Variants in UBE2J1 observed in about 807,000 individuals in gnomAD.
UBE2J1 encodes the protein ubiquitin conjugating enzyme E2 J1.
In UBE2J1, 17 loss-of-function variants were observed where a neutral mutation model predicts 42.1. That is an observed-to-expected ratio of 0.40 (90% CI 0.28 to 0.61). The LOEUF is 0.61. Ranked by LOEUF, UBE2J1 falls within the 20% of genes least tolerant of loss-of-function variation. The pLI, the probability that UBE2J1 is intolerant of heterozygous loss-of-function variation, is 0.38. For synonymous variants in UBE2J1, 127 were observed against 137.2 expected (o/e 0.93, Z 0.52); for missense variants, 291 against 389.4 (o/e 0.75, Z 2.13).
chr6:89,349,772 A>G (rs986980602), intron 1 of UBE2J1, among the ~76,000 whole-genome samples: 2 of 152,168 alleles, frequency 1.3e-5, no homozygotes, highest in Admixed American at 1.3e-4. Context: ...TGGCATGGAT[A>G]GGTAACTCTT....
chr6:89,352,622 A>C lies in UBE2J1; in HGVS notation c.-53T>G. 1 of 1,515,436 alleles carries C rather than the reference A, an allele frequency of 6.6e-7. No homozygotes were observed. Among genetic ancestry groups the C allele is most frequent in the Non-Finnish European group, 8.8e-7 (1 of 1,137,740 alleles). The allele number at this position is 1,515,436 out of a possible 1,614,324, so 93.9% of individuals were successfully genotyped here. ...CCCGGGCCGCTGCCACCTCCTCTCC[A>C]CGCGGCCGCTGCCCGGGTCTCAGCG... On this transcript the variant is annotated 5_prime_UTR_variant, in exon 1 of 8. Transcript: ENST00000435041.
At chr6:89,338,833 T>C in intron 3 of UBE2J1, among the ~76,000 whole-genome samples, 1 of 151,806 alleles carries the variant, frequency 6.6e-6, no homozygotes, top group East Asian at 1.9e-4. Context: ...GCCTGGCTAA[T>C]GTTTTGTATT....
intron 1 of UBE2J1, among the ~76,000 whole-genome samples, chr6:89,347,410 C>G (rs1445613616): frequency 6.6e-6 from 1 of 152,210 alleles, no homozygotes; most frequent in East Asian, 1.9e-4. Context: ...TTATGTCATT[C>G]TATACCCTTA....
rs1767922997 is a variant in UBE2J1, at chr6:89,327,004, TG to T, written c.*2674del. On this transcript the variant is annotated 3_prime_UTR_variant, in exon 8 of 8. Transcript: ENST00000435041. Reference sequence around the variant, plus strand: ...CTTATTCTCCCAAAATAGGAAATTTTGTATTCCTATAGTCAAAACAATAAAC... The same window carrying T: ...CTTATTCTCCCAAAATAGGAAATTTTTATTCCTATAGTCAAAACAATAAAC... 6.6e-6 allele frequency: 1 copy of T among 152,652 alleles called. No individual in the cohort carries two copies. The highest frequency in any genetic ancestry group is 2.4e-5 in the African/African-American group (1 of 41,464). 9.5% of individuals were successfully genotyped at this position (152,652 alleles called of 1,614,324 possible).
At chr6:89,350,354 CGT>C (rs139472058) in intron 1 of UBE2J1, among the ~76,000 whole-genome samples, 7 of 151,240 alleles carry the variant, frequency 4.6e-5, no homozygotes, top group South Asian at 2.1e-4. Flanking sequence ...TGGTATTTTA[CGT>C]GTGTGTGTGT....
chr6:89,349,402 T>A (rs1310756589), intron 1 of UBE2J1, among the ~76,000 whole-genome samples: 2 of 152,132 alleles, frequency 1.3e-5, no homozygotes, highest in Non-Finnish European at 2.9e-5. Flanking sequence ...TCAGTTTTTG[T>A]TTTGATTGAT....
Position 89,329,932 on chromosome 6 carries a change from G to A in UBE2J1, c.704C>T (p.Ala235Val). The A allele has an allele frequency of 6.2e-7, 1 of 1,614,084 alleles. No individual in the cohort carries two copies. Among genetic ancestry groups the A allele is most frequent in the Non-Finnish European group, 8.5e-7 (1 of 1,179,964 alleles). ...AGGTTGGGTAGGTTGATGAAAGGAT[G>A]CTGCTGAGGAATTCTGGAGTCCGTA... ...TSYGLQNSSA[A>V]SFHQPTQPVA... Residue 235 changes from alanine (A) to valine (V), a missense_variant, in exon 8 of 8, where the codon GCA (alanine) becomes GTA (valine). This residue lies in a region of UBE2J1 where 176 missense variants were observed against 196.3 expected (regional missense o/e 0.90). Coordinates refer to ENST00000435041, the MANE Select transcript of UBE2J1 (RefSeq NM_016021.3).
chr6:89,335,132 AT>A (rs1373148753), intron 6 of UBE2J1, among the ~76,000 whole-genome samples, 169 bp downstream of exon 6: 1 of 152,214 alleles, frequency 6.6e-6, no homozygotes, highest in Non-Finnish European at 1.5e-5. Context: ...CCCTATACAT[AT>A]ATACACCTAC....
rs199952889 is a variant in UBE2J1, at chr6:89,341,909, A to T, written c.237+415T>A. ...CTTTTCATCCCACATAAACTCAATG[A>T]GGTAGGTATCATTATTCTCATTGTA... is the stretch of plus-strand genomic sequence containing the variant. On this transcript the variant is annotated intron_variant, in intron 3 of 7. Coordinates refer to ENST00000435041, the MANE Select transcript of UBE2J1 (RefSeq NM_016021.3). Among the ~76,000 whole-genome samples, 7 of 152,262 alleles carry T rather than the reference A, an allele frequency of 4.6e-5. No individual in the cohort carries two copies. In the East Asian group the frequency reaches 7.7e-4, roughly 17 times the overall value.
rs1478025459 is a variant in UBE2J1 at position 89,327,127 on chromosome 6, G to A, written c.*2552C>T. ...TGAAAACGTAAAGTGCTACATAAAA[G>A]CCCCACATTACATAAATTTTGAAAA... On this transcript the variant is annotated 3_prime_UTR_variant, in exon 8 of 8. Transcript: ENST00000435041. 1 of 152,170 alleles carries A rather than the reference G, an allele frequency of 6.6e-6. No homozygotes were observed. Among genetic ancestry groups the A allele is most frequent in the East Asian group, 1.9e-4 (1 of 5,192 alleles). The allele number at this position is 152,170 out of a possible 1,614,324, so 9.4% of individuals were successfully genotyped here.
At chr6:89,337,663 A>G (rs1768136646) in intron 5 of UBE2J1, among the ~76,000 whole-genome samples, 1 of 152,214 alleles carries the variant, frequency 6.6e-6, no homozygotes, top group Non-Finnish European at 1.5e-5. Context: ...TCATATAGAC[A>G]AAAGTGCACC....
intron 1 of UBE2J1, among the ~76,000 whole-genome samples, chr6:89,352,223 G>A (rs927645249): frequency 3.3e-5 from 5 of 152,192 alleles, no homozygotes; most frequent in African/African-American, 1.2e-4. Flanking sequence ...GATGACTATC[G>A]CCCACCGACA....
In UBE2J1 at chr6:89,333,043, A is replaced by G. The variant is rs747562729; in HGVS notation, c.678+43T>C. The G allele has an allele frequency of 1.2e-4, 181 of 1,496,476 alleles. 3 individuals are homozygous for G. The Middle Eastern group carries it at 1.2e-3, about 10-fold the overall frequency. 92.7% of individuals were successfully genotyped at this position (1,496,476 alleles called of 1,614,324 possible). A position where few individuals can be genotyped will look rare whatever the true frequency, so the allele number is the denominator to read the frequency against. ...TTCTCCTCCTATTGCAAACAGTGAT[A>G]ATGATAGAGACATACATATATATTA... On this transcript the variant is annotated intron_variant, in intron 7 of 7. Transcript: ENST00000435041.
chr6:89,329,991 G>C (rs780140263), intron 7 of UBE2J1, 34 bp from the exon 8 acceptor site: 15 of 1,600,686 alleles, frequency 9.4e-6, no homozygotes, highest in Non-Finnish European at 1.1e-5. Context: ...TTTGAAACTG[G>C]CAAAGAAGAT....
At chr6:89,351,485 T>A (rs1262059650) in intron 1 of UBE2J1, among the ~76,000 whole-genome samples, 1 of 152,116 alleles carries the variant, frequency 6.6e-6, no homozygotes, top group Non-Finnish European at 1.5e-5. Flanking sequence ...CTCCCTCCAA[T>A]CAATATCCTC....
At chr6:89,345,400 G>A (rs1288469659) in intron 1 of UBE2J1, among the ~76,000 whole-genome samples, 1 of 152,074 alleles carries the variant, frequency 6.6e-6, no homozygotes, top group Non-Finnish European at 1.5e-5. Context: ...TCAAGAGTTC[G>A]AGACTAGCCT....
intron 1 of UBE2J1, among the ~76,000 whole-genome samples, chr6:89,352,139 CAGTAAATAGA>C (rs1562428066): frequency 3.3e-5 from 5 of 152,156 alleles, no homozygotes; most frequent in African/African-American, 7.2e-5. Flanking sequence ...AATCAGCCGG[CAGTAAATAGA>C]AGTAAATAGA....
chr6:89,343,153 T>C (rs1768281763), intron 2 of UBE2J1, among the ~76,000 whole-genome samples: 1 of 152,064 alleles, frequency 6.6e-6, no homozygotes, highest in African/African-American at 2.4e-5. Context: ...AGATCTAACC[T>C]CGGCCGGGTG....
At chr6:89,348,411 T>TA (rs1263803627) in intron 1 of UBE2J1, among the ~76,000 whole-genome samples, 2 of 152,222 alleles carry the variant, frequency 1.3e-5, no homozygotes, top group African/African-American at 2.4e-5. Flanking sequence ...TACAGGCCAC[T>TA]GCTTCCCATA....
Sources: allele counts gnomAD v4.1 joint callset (sites outside exome capture counted in the v4.1 genomes callset), GRCh38; gene constraint gnomAD v4.1.1; regional missense constraint gnomAD v4.1.1; transcripts MANE v1.5; gene names NCBI Gene and HGNC (gene_info 2026-07-23, HGNC 2026-07-21).